Variants in ULK4 observed in about 807,000 individuals in gnomAD.
The protein encoded by ULK4 is inactive serine/threonine-protein kinase ULK4.
In ULK4, 133 loss-of-function variants were observed where a neutral mutation model predicts 160.6. That is an observed-to-expected ratio of 0.83 (90% CI 0.72 to 0.96). ULK4 has a LOEUF of 0.96. ULK4 is among the 40% of genes least tolerant of loss of function. The probability of loss-of-function intolerance (pLI) is 0.00; values close to 1 mark genes in which losing one functional copy is unlikely to be tolerated. For missense variants in ULK4, 1,580 were observed against 1,499.5 expected (o/e 1.05, Z -0.89); for synonymous variants, 534 against 539.8 (o/e 0.99, Z 0.15).
At chr3:41,761,164 T>C (rs1248631920) in intron 21 of ULK4, among the ~76,000 whole-genome samples, 1 of 152,106 alleles carries the variant, frequency 6.6e-6, no homozygotes, top group Non-Finnish European at 1.5e-5. Context: ...TGTATCTTTC[T>C]GGTGGTGGTA....
intron 22 of ULK4, among the ~76,000 whole-genome samples, chr3:41,721,220 G>C (rs78246388): frequency 7.1e-6 from 1 of 141,152 alleles, no homozygotes; most frequent in African/African-American, 2.7e-5. Flanking sequence ...GGTAATCCAG[G>C]GTAATGGAAG....
chr3:41,938,064 A>G (rs142257771), intron 3 of ULK4, 34 bp downstream of exon 3: 20,606 of 1,494,314 alleles, frequency 0.014, 198 homozygotes, highest in Non-Finnish European at 0.015. Context: ...TTTCAATACT[A>G]TATTCATAGC....
intron 23 of ULK4, among the ~76,000 whole-genome samples, chr3:41,715,786 C>T (rs983105208): frequency 1.3e-5 from 2 of 151,924 alleles, no homozygotes; most frequent in Admixed American, 6.6e-5. Flanking sequence ...ATAAACTTAA[C>T]GTCTCATTTG....
intron 25 of ULK4, among the ~76,000 whole-genome samples, chr3:41,714,145 T>G (rs1385912499): frequency 6.6e-6 from 1 of 152,234 alleles, no homozygotes; most frequent in African/African-American, 2.4e-5. Context: ...AAAATTCTCA[T>G]AATTTGCAAA....
At chr3:41,814,008 G>GT (rs1283601819) in intron 19 of ULK4, among the ~76,000 whole-genome samples, 1 of 152,192 alleles carries the variant, frequency 6.6e-6, no homozygotes, top group Non-Finnish European at 1.5e-5. Context: ...CCAGCGCTGA[G>GT]TGGGGTAGAC....
At chr3:41,439,207 G>A (rs947371995) in intron 34 of ULK4, among the ~76,000 whole-genome samples, 1 of 152,112 alleles carries the variant, frequency 6.6e-6, no homozygotes, top group Non-Finnish European at 1.5e-5. Context: ...TTCACTGAAG[G>A]CTCAGTATCT....
intron 4 of ULK4, among the ~76,000 whole-genome samples, chr3:41,935,072 G>A (rs1001783886): frequency 4.1e-5 from 6 of 145,782 alleles, no homozygotes; most frequent in Non-Finnish European, 7.4e-5. Context: ...CCAGGCTGGA[G>A]TGCAGTGGCA....
At chr3:41,446,025 C>T (rs2083288743) in intron 34 of ULK4, among the ~76,000 whole-genome samples, 1 of 151,942 alleles carries the variant, frequency 6.6e-6, no homozygotes, top group East Asian at 1.9e-4. Flanking sequence ...AACAAATTTA[C>T]AAGAAAAAAA....
At chr3:41,420,595 G>A (rs556049622) in intron 34 of ULK4, among the ~76,000 whole-genome samples, 1 of 143,858 alleles carries the variant, frequency 7.0e-6, no homozygotes, top group East Asian at 2.1e-4. Flanking sequence ...TGATTCTCCT[G>A]CCTTGGCCTC....
At chr3:41,366,573 A>ACACACACACACACACACACACACT (rs4016417) in intron 35 of ULK4, among the ~76,000 whole-genome samples, 16 of 151,556 alleles carry the variant, frequency 1.1e-4, no homozygotes, top group African/African-American at 3.6e-4. Context: ...ACACACACAC[A>ACACACACACACACACACACACACT]CTTTATCTAT....
At chr3:41,819,867 T>C (rs1335485667) in intron 18 of ULK4, among the ~76,000 whole-genome samples, 3 of 152,206 alleles carry the variant, frequency 2.0e-5, no homozygotes, top group African/African-American at 7.2e-5. Flanking sequence ...AGTATTACAT[T>C]ATCTGGAATG....
intron 34 of ULK4, among the ~76,000 whole-genome samples, chr3:41,425,271 A>C (rs1160851295): frequency 6.6e-6 from 1 of 152,172 alleles, no homozygotes; most frequent in Non-Finnish European, 1.5e-5. Flanking sequence ...AGAAACAAAA[A>C]AAACCTCTGA....
chr3:41,250,596 G>C (rs527635277), intron 35 of ULK4, among the ~76,000 whole-genome samples: 7 of 152,300 alleles, frequency 4.6e-5, no homozygotes, highest in African/African-American at 1.7e-4. Flanking sequence ...ACCGAGGCTG[G>C]ATTATTGTCT....
At chr3:41,438,765 T>C (rs181021577) in intron 34 of ULK4, among the ~76,000 whole-genome samples, 139 of 152,118 alleles carry the variant, frequency 9.1e-4, no homozygotes, top group African/African-American at 3.3e-3. Flanking sequence ...AGTTCGAGGC[T>C]GCCATGAGCT....
intron 35 of ULK4, among the ~76,000 whole-genome samples, chr3:41,396,417 T>C (rs927551214): frequency 2.6e-5 from 4 of 152,262 alleles, no homozygotes. Flanking sequence ...AGACCAATAT[T>C]TTCCAAGCTT....
chr3:41,809,779 T>C (rs2040763273), intron 19 of ULK4, among the ~76,000 whole-genome samples: 1 of 152,214 alleles, frequency 6.6e-6, no homozygotes, highest in African/African-American at 2.4e-5. Flanking sequence ...ATATAATCTT[T>C]TTTCAATAAT....
chr3:41,711,943 A>T (rs1262813629), intron 25 of ULK4, among the ~76,000 whole-genome samples: 1 of 152,250 alleles, frequency 6.6e-6, no homozygotes, highest in Non-Finnish European at 1.5e-5. Context: ...GCTGAGTAAG[A>T]CAACAGGCTG....
chr3:41,926,207 C>G (rs1319968795), intron 5 of ULK4, among the ~76,000 whole-genome samples: 1 of 152,190 alleles, frequency 6.6e-6, no homozygotes, highest in Non-Finnish European at 1.5e-5. Flanking sequence ...TCCAGGCAAA[C>G]AGGGTCTGGA....
At chr3:41,902,583 A>G (rs1575918117) in intron 12 of ULK4, among the ~76,000 whole-genome samples, 1 of 147,274 alleles carries the variant, frequency 6.8e-6, no homozygotes. Flanking sequence ...ACCAAAAAAA[A>G]AAAAGAAAAA....
Sources: allele counts gnomAD v4.1 joint callset (sites outside exome capture counted in the v4.1 genomes callset), GRCh38; gene constraint gnomAD v4.1.1; transcripts MANE v1.5; gene names NCBI Gene and HGNC (gene_info 2026-07-23, HGNC 2026-07-21).